RIPOR2: variants seen among roughly 807,000 people sequenced by gnomAD.
RIPOR2 encodes the protein RHO family interacting cell polarization regulator 2.
RIPOR2 carries 39 observed loss-of-function variants against 114.5 expected under a neutral mutation model. The ratio of observed to expected loss-of-function variants is 0.34; its 90% CI spans 0.26 to 0.44. The LOEUF is 0.44. Among genes scored for constraint, RIPOR2 ranks in the 20% least tolerant of loss-of-function variants. RIPOR2 has a pLI of 1.00. For synonymous variants in RIPOR2, 445 were observed against 484.4 expected (o/e 0.92, Z 1.07); for missense variants, 1,007 against 1,255.1 (o/e 0.80, Z 2.99).
chr6:24,994,137 C>G (rs1042874606), intron 1 of RIPOR2, among the ~76,000 whole-genome samples: 2 of 151,986 alleles, frequency 1.3e-5, no homozygotes, highest in Non-Finnish European at 2.9e-5. Context: ...AATTGGGAAA[C>G]AGATAATTTC....
chr6:24,881,067 CCT>C (rs1766306027), intron 1 of RIPOR2, among the ~76,000 whole-genome samples: 1 of 152,080 alleles, frequency 6.6e-6, no homozygotes, highest in Non-Finnish European at 1.5e-5. Flanking sequence ...ATAGTGAAAC[CCT>C]GTCTCTACTA....
intron 19 of RIPOR2, 31 bp from the exon 20 acceptor site, chr6:24,818,656 AT>A (rs1759391349): frequency 2.0e-6 from 3 of 1,473,986 alleles, no homozygotes; most frequent in Non-Finnish European, 2.8e-6. Context: ...TCATGAAGGC[AT>A]TTTGGTTTGT....
intron 1 of RIPOR2, among the ~76,000 whole-genome samples, chr6:24,999,166 G>A (rs148755846): frequency 1.3e-5 from 2 of 152,300 alleles, no homozygotes; most frequent in Non-Finnish European, 2.9e-5. Context: ...TAGAGGCTAT[G>A]GGCTGATAAG....
chr6:24,876,731 G>A (rs1430582600), intron 1 of RIPOR2, among the ~76,000 whole-genome samples: 2 of 152,180 alleles, frequency 1.3e-5, no homozygotes, highest in Non-Finnish European at 2.9e-5. Context: ...ACACAAGGGC[G>A]GTCGGGGGGA....
chr6:24,849,805 C>G lies in RIPOR2; in HGVS notation c.1031G>C (p.Trp344Ser). ...GTIKLNLEIT[W>S]YPFDVEDMTA... ...AAATAAAGGAAGAGGCACTTACTAC[C>G]AGGTGATTTCCAGGTTCAGTTTGAT... The change falls in exon 11 of 22, where the codon TGG becomes TCG. Residue 344 changes from tryptophan to serine, a missense_variant. By Grantham distance (177) the Trp-to-Ser change is radical (BLOSUM62 -3). Coordinates refer to ENST00000643898, the MANE Select transcript of RIPOR2 (RefSeq NM_001286445.3). 1 of 1,613,152 alleles carries G rather than the reference C, an allele frequency of 6.2e-7. No individual in the cohort carries two copies. Among genetic ancestry groups the G allele is most frequent in the Non-Finnish European group, 8.5e-7 (1 of 1,179,324 alleles).
chr6:24,954,985 C>T (rs1183690872), intron 1 of RIPOR2, among the ~76,000 whole-genome samples: 10 of 151,934 alleles, frequency 6.6e-5, no homozygotes. Flanking sequence ...GAGTTGTGGC[C>T]GTTTATATAT....
intron 1 of RIPOR2, among the ~76,000 whole-genome samples, chr6:24,906,339 T>C (rs1768996096): frequency 1.3e-5 from 2 of 152,206 alleles, no homozygotes; most frequent in Non-Finnish European, 2.9e-5. Flanking sequence ...CCTAGTCTTT[T>C]TGTCTGGTAA....
chr6:24,828,241 G>A lies in RIPOR2; in HGVS notation c.2561C>T (p.Ser854Phe). ...ILDRAEPLLS[S>F]SLSSEVVTVF... is the part of the protein sequence containing the mutation. ...AGTGACGACTTCCGAGGACAGGCTG[G>A]AGGAAAGCAGAGGCTCAGCCCGGTC... The change falls in exon 18 of 22, where the codon TCC (serine) becomes TTC (phenylalanine). Residue 854 changes from serine (S) to phenylalanine (F), a missense_variant. Physicochemically the swap from Ser to Phe is radical, Grantham distance 155 (BLOSUM62 -2). Coordinates refer to ENST00000643898, the MANE Select transcript of RIPOR2 (RefSeq NM_001286445.3). 3 of 1,551,364 alleles carry A rather than the reference G, an allele frequency of 1.9e-6. No homozygotes were observed. The highest frequency in any genetic ancestry group is 1.7e-6 in the Non-Finnish European group (2 of 1,146,746).
intron 1 of RIPOR2, among the ~76,000 whole-genome samples, chr6:25,026,495 A>G (rs1343327373): frequency 1.3e-5 from 2 of 152,208 alleles, no homozygotes; most frequent in Non-Finnish European, 2.9e-5. Context: ...AACAACCAAG[A>G]CACTAATTAG....
rs201184638 is a variant in RIPOR2, at chr6:24,903,647, GTT to G, written c.62-27832_62-27831del. 4.4e-3 allele frequency among the ~76,000 whole-genome samples: 668 copies of G among 151,894 alleles called. 5 individuals are homozygous for G. The highest frequency in any genetic ancestry group is 0.014 in the Middle Eastern group (4 of 294). On this transcript the variant is annotated intron_variant, in intron 1 of 21. Transcript: ENST00000643898. ...ACACAGTAGGTGTGTATATTTAGGG[GTT>G]ACATGAGACATTTTGATACAGGCAC...
At chr6:24,838,629 T>TA (rs942300206) in intron 14 of RIPOR2, among the ~76,000 whole-genome samples, 1 of 151,802 alleles carries the variant, frequency 6.6e-6, no homozygotes, top group Non-Finnish European at 1.5e-5. Context: ...CCGTCTCTAC[T>TA]AAAAAAATAC....
chr6:24,958,953 A>ATTTTTTTTT (rs552726204), intron 1 of RIPOR2, among the ~76,000 whole-genome samples: 1 of 11,302 alleles, frequency 8.8e-5, no homozygotes, highest in African/African-American at 2.5e-4. Context: ...CAAGCTCTAC[A>ATTTTTTTTT]TTTTCTTTTT....
intron 1 of RIPOR2, among the ~76,000 whole-genome samples, chr6:24,913,019 G>T (rs1490637200): frequency 6.6e-6 from 1 of 152,228 alleles, no homozygotes; most frequent in African/African-American, 2.4e-5. Context: ...TGAAGCTAGT[G>T]TTGAAAGTCA....
Position 25,002,402 on chromosome 6 carries a change from T to G in RIPOR2, c.76+39449A>C, listed in dbSNP as rs935971917. Among the ~76,000 whole-genome samples the G allele has an allele frequency of 5.3e-5, 8 of 152,238 alleles. No individual in the cohort carries two copies. In the East Asian group the frequency reaches 1.5e-3, roughly 29 times the overall value. On this transcript the variant is annotated intron_variant, in intron 1 of 13. Coordinates refer to the RIPOR2 transcript ENST00000510784. ...TACAGAAGGACTTATCCAAATGGTATGTATTTCTTCATTGTTCATCTTTTT... is the reference window on the plus strand; with the variant it reads ...TACAGAAGGACTTATCCAAATGGTAGGTATTTCTTCATTGTTCATCTTTTT...
intron 1 of RIPOR2, among the ~76,000 whole-genome samples, chr6:24,895,496 A>T (rs1470052998): frequency 6.6e-6 from 1 of 152,004 alleles, no homozygotes; most frequent in African/African-American, 2.4e-5. Flanking sequence ...GCATGCAGTG[A>T]TCATGTCACA....
intron 7 of RIPOR2, among the ~76,000 whole-genome samples, chr6:24,863,899 T>G (rs1387054961): frequency 3.3e-5 from 5 of 152,240 alleles, no homozygotes; most frequent in Admixed American, 3.3e-4. Flanking sequence ...ATGTCACATA[T>G]TTGACTTTTG....
intron 1 of RIPOR2, among the ~76,000 whole-genome samples, chr6:24,978,732 A>G (rs1051030947): frequency 5.3e-5 from 8 of 152,198 alleles, no homozygotes; most frequent in Non-Finnish European, 7.3e-5. Context: ...ATATTTAATC[A>G]ATCTATCCTT....
intron 8 of RIPOR2, among the ~76,000 whole-genome samples, chr6:24,859,241 A>G (rs183144707): frequency 1.7e-3 from 262 of 152,294 alleles, no homozygotes; most frequent in African/African-American, 4.9e-3. Flanking sequence ...TAGGAGAAAT[A>G]TAGTACTTTT....
chr6:24,872,212 G>T (rs948510886), intron 4 of RIPOR2, among the ~76,000 whole-genome samples: 1 of 152,126 alleles, frequency 6.6e-6, no homozygotes, highest in Non-Finnish European at 1.5e-5. Flanking sequence ...AGATTCATGA[G>T]AATAGAAGAA....
Sources: allele counts gnomAD v4.1 joint callset (sites outside exome capture counted in the v4.1 genomes callset), GRCh38; gene constraint gnomAD v4.1.1; transcripts MANE v1.5; gene names NCBI Gene and HGNC (gene_info 2026-07-23, HGNC 2026-07-21).